The following NRXN3 variants were observed in gnomAD, a reference collection of about 807,000 sequenced individuals.
NRXN3 encodes the protein neurexin III.
In NRXN3, 32 loss-of-function variants were observed where a neutral mutation model predicts 137.6. The ratio of observed to expected loss-of-function variants is 0.23; its 90% CI spans 0.18 to 0.31. The LOEUF is 0.31. Ranked by LOEUF, NRXN3 falls within the 10% of genes least tolerant of loss-of-function variation. NRXN3 has a pLI of 1.00. For missense variants in NRXN3, 1,574 were observed against 2,062.5 expected, an observed-to-expected ratio of 0.76 and a Z score of 4.59; for synonymous variants, 798 against 784.5, an observed-to-expected ratio of 1.02 and a Z score of -0.29.
intron 19 of NRXN3, among the ~76,000 whole-genome samples, chr14:79,750,196 G>A (rs1368447215): frequency 6.6e-6 from 1 of 152,138 alleles, no homozygotes; most frequent in East Asian, 1.9e-4. Context: ...TGGAGAGTAA[G>A]AATAGGGACT....
chr14:79,486,778 G>A (rs1397646538), intron 16 of NRXN3, among the ~76,000 whole-genome samples: 1 of 152,134 alleles, frequency 6.6e-6, no homozygotes, highest in Non-Finnish European at 1.5e-5. Flanking sequence ...AGGAAAATGG[G>A]GACTGAGGTC....
chr14:79,242,853 G>A (rs994105811), intron 15 of NRXN3, among the ~76,000 whole-genome samples: 4 of 152,122 alleles, frequency 2.6e-5, no homozygotes, highest in African/African-American at 9.7e-5. Flanking sequence ...TCTATGCTGA[G>A]GCATAACAGT....
chr14:78,779,941 G>A lies in NRXN3; in HGVS notation c.2045-23679G>A, dbSNP rs1001404814. Among the ~76,000 whole-genome samples, 3 of 152,088 alleles carry A rather than the reference G, an allele frequency of 2.0e-5. 1 individual carries two copies. The highest frequency in any genetic ancestry group is 3.9e-4 in the East Asian group (2 of 5,172). ...TCAAAACTCCAACAGAACTGTTCAT[G>A]GAATTTGACAAGCTAACTCTAAAAC... On this transcript the variant is annotated intron_variant, in intron 8 of 20. Coordinates refer to ENST00000335750, the MANE Select transcript of NRXN3 (RefSeq NM_001330195.2).
At chr14:79,185,425 A>G (rs2063407514) in intron 15 of NRXN3, among the ~76,000 whole-genome samples, 1 of 152,108 alleles carries the variant, frequency 6.6e-6, no homozygotes, top group South Asian at 2.1e-4. Flanking sequence ...ACAATTCTGT[A>G]ACATCTATTT....
chr14:78,635,390 A>G (rs1193046243), intron 4 of NRXN3, among the ~76,000 whole-genome samples: 1 of 152,206 alleles, frequency 6.6e-6, no homozygotes, highest in East Asian at 1.9e-4. Flanking sequence ...ATTATTTTCT[A>G]AACATGTATG....
At chr14:79,615,159 A>G (rs143888131) in intron 16 of NRXN3, among the ~76,000 whole-genome samples, 156 of 152,338 alleles carry the variant, frequency 1.0e-3, no homozygotes, top group Admixed American at 2.7e-3. Flanking sequence ...ACACTGACTG[A>G]GAGTTTGGGA....
intron 15 of NRXN3, among the ~76,000 whole-genome samples, chr14:79,094,948 AAGAGAGAGAGAG>A (rs138948861): frequency 5.2e-5 from 7 of 134,722 alleles, no homozygotes; most frequent in South Asian, 2.6e-4. Flanking sequence ...GAGAGAGAGA[AAGAGAGAGAGAG>A]AGAGAGAGAG....
chr14:79,489,855 C>T (rs1271768607), intron 16 of NRXN3, among the ~76,000 whole-genome samples: 1 of 151,498 alleles, frequency 6.6e-6, no homozygotes, highest in Admixed American at 6.6e-5. Context: ...CTGGCTAACA[C>T]GTTGAAACTC....
At chr14:79,373,721 T>A (rs1196167098) in intron 15 of NRXN3, among the ~76,000 whole-genome samples, 2 of 152,194 alleles carry the variant, frequency 1.3e-5, no homozygotes, top group African/African-American at 4.8e-5. Context: ...CTTAAATTAT[T>A]TTTATATTGC....
chr14:79,650,177 G>A (rs1299772847), intron 16 of NRXN3, among the ~76,000 whole-genome samples: 2 of 152,146 alleles, frequency 1.3e-5, no homozygotes, highest in Non-Finnish European at 2.9e-5. Flanking sequence ...GAAGCGTGTT[G>A]TGAGAGTATA....
intron 15 of NRXN3, among the ~76,000 whole-genome samples, chr14:79,118,265 T>G (rs1480983809): frequency 6.6e-6 from 1 of 152,222 alleles, no homozygotes; most frequent in Non-Finnish European, 1.5e-5. Context: ...AACCTTAGTT[T>G]GCTCACAAAA....
At chr14:78,855,200 A>C (rs984774514) in intron 10 of NRXN3, among the ~76,000 whole-genome samples, 1 of 151,968 alleles carries the variant, frequency 6.6e-6, no homozygotes, top group Non-Finnish European at 1.5e-5. Context: ...ATATATGACT[A>C]TAGCCCTTTT....
chr14:79,572,073 A>G (rs938000639), intron 16 of NRXN3, among the ~76,000 whole-genome samples: 13 of 152,088 alleles, frequency 8.5e-5, no homozygotes, highest in African/African-American at 2.9e-4. Flanking sequence ...AATCTTGCTT[A>G]TTGTTTTTAA....
intron 10 of NRXN3, among the ~76,000 whole-genome samples, chr14:78,907,917 T>A (rs566659374): frequency 1.1e-4 from 16 of 152,242 alleles, no homozygotes; most frequent in Admixed American, 5.2e-4. Flanking sequence ...CCTGCATTAG[T>A]TTGCTAAGGA....
Position 78,242,957 on chromosome 14 carries a change from G to A in NRXN3, c.-137G>A. The A allele has an allele frequency of 1.6e-6, 1 of 627,476 alleles. No homozygotes were observed. The highest frequency in any genetic ancestry group is 2.8e-5 in the East Asian group (1 of 36,286). 38.9% of individuals were successfully genotyped at this position (627,476 alleles called of 1,614,324 possible). A position where few individuals can be genotyped will look rare whatever the true frequency, so the allele number is the denominator to read the frequency against. ...CTCCACTATCTCAGGATCTGTGTGT[G>A]TGCTGCCTTCCTCCTGTGTGCTTTC... On this transcript the variant is annotated 5_prime_UTR_variant, in exon 2 of 21. It adds an upstream start codon to the 5' untranslated region. Transcript: ENST00000335750.
rs574580703 is a variant in NRXN3, at chr14:79,050,959, G to A, written c.3262+62818G>A. Reference sequence around the variant, plus strand: ...CTTACAGTAATAGAATGAACACTCTGTGCCCAGAACTCCTTTGAATATTTT... The same window carrying A: ...CTTACAGTAATAGAATGAACACTCTATGCCCAGAACTCCTTTGAATATTTT... On this transcript the variant is annotated intron_variant, in intron 15 of 20. Transcript: ENST00000335750. Among the ~76,000 whole-genome samples the A allele has an allele frequency of 7.2e-5, 11 of 152,298 alleles. No individual in the cohort carries two copies. In the South Asian group the frequency reaches 1.9e-3, roughly 26 times the overall value.
At chr14:79,299,453 G>A (rs1163313123) in intron 15 of NRXN3, among the ~76,000 whole-genome samples, 2 of 152,072 alleles carry the variant, frequency 1.3e-5, no homozygotes, top group Non-Finnish European at 2.9e-5. Context: ...CCACTGTAAT[G>A]TCAATGCAAC....
intron 16 of NRXN3, among the ~76,000 whole-genome samples, chr14:79,485,023 C>T (rs1021816315): frequency 1.3e-5 from 2 of 151,996 alleles, no homozygotes; most frequent in Non-Finnish European, 2.9e-5. Flanking sequence ...TCTTAAAATA[C>T]ATTACCTATA....
chr14:79,451,500 G>A (rs1434092963), intron 15 of NRXN3, among the ~76,000 whole-genome samples: 3 of 152,150 alleles, frequency 2.0e-5, no homozygotes, highest in Non-Finnish European at 2.9e-5. Context: ...TTAAATAGAT[G>A]GATCATGGAA....
Sources: gnomAD v4.1 joint callset for allele counts (sites outside exome capture counted in the v4.1 genomes callset) on GRCh38, gnomAD v4.1.1 for gene constraint, MANE v1.5 for transcripts, NCBI Gene and HGNC (gene_info 2026-07-23, HGNC 2026-07-21) for gene names.